The following CCSER1 variants were observed in gnomAD, a reference collection of about 807,000 sequenced individuals.
The protein encoded by CCSER1 is coiled-coil serine rich protein 1, also known as serine-rich coiled-coil domain-containing protein 1.
Under a neutral mutation model 82.0 loss-of-function variants are expected in CCSER1, and 41 were observed. The observed-to-expected ratio is 0.50, with a 90% CI of 0.39 to 0.65. CCSER1 has a LOEUF of 0.65. CCSER1 is among the 30% of genes least tolerant of loss of function. The probability of loss-of-function intolerance (pLI) is 0.00; values close to 1 mark genes in which losing one functional copy is unlikely to be tolerated. For missense variants in CCSER1, 1,119 were observed against 1,064.2 expected, an observed-to-expected ratio of 1.05 and a Z score of -0.72; for synonymous variants, 414 against 383.9, an observed-to-expected ratio of 1.08 and a Z score of -0.92.
At chr4:90,503,298 C>T (rs1457268386) in intron 5 of CCSER1, among the ~76,000 whole-genome samples, 1 of 152,146 alleles carries the variant, frequency 6.6e-6, no homozygotes, top group African/African-American at 2.4e-5. Flanking sequence ...CGTCTTAAAA[C>T]AGATTTTAGA....
intron 10 of CCSER1, among the ~76,000 whole-genome samples, chr4:91,454,993 A>G (rs558541048): frequency 5.9e-5 from 9 of 152,220 alleles, no homozygotes; most frequent in Non-Finnish European, 1.2e-4. Context: ...TAAGGAGACT[A>G]TTTGCCAGTG....
intron 10 of CCSER1, among the ~76,000 whole-genome samples, chr4:91,454,228 T>TG (rs1756020469): frequency 6.6e-6 from 1 of 152,074 alleles, no homozygotes; most frequent in African/African-American, 2.4e-5. Flanking sequence ...TCAGTTTCAT[T>TG]GGGGAAAAAT....
chr4:90,470,592 CATTCT>C (rs1764226677), intron 5 of CCSER1, among the ~76,000 whole-genome samples: 1 of 151,910 alleles, frequency 6.6e-6, no homozygotes, highest in African/African-American at 2.4e-5. Flanking sequence ...CATCAAGGGT[CATTCT>C]CTCTATCTAC....
chr4:90,515,968 C>T (rs1435954132), intron 5 of CCSER1, among the ~76,000 whole-genome samples: 2 of 152,252 alleles, frequency 1.3e-5, no homozygotes, highest in Middle Eastern at 3.4e-3. Flanking sequence ...GTGTCAAATG[C>T]TCTGTTTTAC....
intron 5 of CCSER1, among the ~76,000 whole-genome samples, chr4:90,471,910 G>C (rs1420498323): frequency 6.6e-6 from 1 of 151,992 alleles, no homozygotes; most frequent in Non-Finnish European, 1.5e-5. Flanking sequence ...CTGGGAGGCA[G>C]AGGTTGCAGT....
intron 1 of CCSER1, among the ~76,000 whole-genome samples, chr4:90,216,999 G>C (rs572332507): frequency 2.0e-5 from 3 of 152,138 alleles, no homozygotes; most frequent in African/African-American, 7.2e-5. Flanking sequence ...GATCTTTTAC[G>C]TCCTTGGTTA....
chr4:90,861,095 A>G (rs1765031548), intron 8 of CCSER1, among the ~76,000 whole-genome samples: 1 of 151,838 alleles, frequency 6.6e-6, no homozygotes, highest in Middle Eastern at 3.4e-3. Context: ...GATATGTGCC[A>G]TTCGGGAAAC....
chr4:90,495,631 T>C (rs1186628384), intron 5 of CCSER1, among the ~76,000 whole-genome samples: 1 of 152,178 alleles, frequency 6.6e-6, no homozygotes, highest in Non-Finnish European at 1.5e-5. Flanking sequence ...TTAAAGAAAT[T>C]GCAAGTAATT....
At chr4:91,228,338 A>G (rs544253938) in intron 10 of CCSER1, among the ~76,000 whole-genome samples, 437 of 152,096 alleles carry the variant, frequency 2.9e-3, no homozygotes, top group Non-Finnish European at 3.6e-3. Flanking sequence ...TGAAGAAAAC[A>G]TATTTTCAAG....
chr4:91,451,817 G>A (rs1239049472), intron 10 of CCSER1, among the ~76,000 whole-genome samples: 1 of 151,944 alleles, frequency 6.6e-6, no homozygotes, highest in East Asian at 1.9e-4. Flanking sequence ...TTAGTAGTAA[G>A]TAATTTAAGT....
intron 10 of CCSER1, among the ~76,000 whole-genome samples, chr4:91,311,588 TA>T (rs1745481836): frequency 1.3e-5 from 2 of 152,084 alleles, no homozygotes; most frequent in South Asian, 4.1e-4. Flanking sequence ...AACCTTAATG[TA>T]TTTACCTTTC....
Position 90,873,270 on chromosome 4 carries a change from C to A in CCSER1, c.2095-50100C>A, listed in dbSNP as rs927548371. Among the ~76,000 whole-genome samples, 4 of 151,800 alleles carry A rather than the reference C, an allele frequency of 2.6e-5. No individual in the cohort carries two copies. In the East Asian group the frequency reaches 5.8e-4, roughly 22 times the overall value. ...ACAGACTGCTTCATTCTTTTTAATT[C>A]TTTTTTCTTTTGCCTCCTCTGACTG... On this transcript the variant is annotated intron_variant, in intron 8 of 10. Coordinates refer to ENST00000509176, the MANE Select transcript of CCSER1 (RefSeq NM_001145065.2).
At chr4:91,047,502 A>C (rs73834745) in intron 9 of CCSER1, among the ~76,000 whole-genome samples, 6,663 of 152,154 alleles carry the variant, frequency 0.044, 440 homozygotes, top group African/African-American at 0.14. Context: ...ATGACAAATT[A>C]CCTATTTTCC....
At chr4:90,964,559 C>T (rs992430977) in intron 9 of CCSER1, among the ~76,000 whole-genome samples, 14 of 151,678 alleles carry the variant, frequency 9.2e-5, no homozygotes, top group African/African-American at 2.7e-4. Context: ...CCCGTCTCTA[C>T]TAAAAATACA....
chr4:90,961,152 A>G (rs540123054), intron 9 of CCSER1, among the ~76,000 whole-genome samples: 11 of 151,998 alleles, frequency 7.2e-5, no homozygotes, highest in Non-Finnish European at 1.3e-4. Context: ...ATATTCCCAG[A>G]CCTCCCAGGT....
intron 6 of CCSER1, among the ~76,000 whole-genome samples, chr4:90,686,305 T>C (rs1734809053): frequency 6.6e-6 from 1 of 152,084 alleles, no homozygotes. Context: ...AGAAGACACA[T>C]ATATTATGTG....
intron 8 of CCSER1, among the ~76,000 whole-genome samples, chr4:90,877,738 G>A (rs1187389588): frequency 1.3e-5 from 2 of 151,548 alleles, no homozygotes; most frequent in East Asian, 1.9e-4. Flanking sequence ...AGAAGTAAAC[G>A]GGAGAAAACA....
In CCSER1 at chr4:90,349,429, A is replaced by C. The variant is rs182913721; in HGVS notation, c.1509+36382A>C. On this transcript the variant is annotated intron_variant, in intron 3 of 10. Transcript: ENST00000509176. ...AGCACTTGTTTAGGATATAGGATAG[A>C]AACGTGGTGGCATACAATTCTAGAA... 2.3e-3 allele frequency among the ~76,000 whole-genome samples: 352 copies of C among 152,224 alleles called. 7 individuals are homozygous for C. Among genetic ancestry groups the C allele is most frequent in the Non-Finnish European group, 2.7e-3 (182 of 67,966 alleles).
At chr4:90,985,627 G>A (rs895358409) in intron 9 of CCSER1, among the ~76,000 whole-genome samples, 9 of 151,696 alleles carry the variant, frequency 5.9e-5, no homozygotes, top group African/African-American at 1.9e-4. Context: ...AGAGATTCCT[G>A]TGTACTCTCA....
Sources: allele counts gnomAD v4.1 joint callset (sites outside exome capture counted in the v4.1 genomes callset), GRCh38; gene constraint gnomAD v4.1.1; transcripts MANE v1.5; gene names NCBI Gene and HGNC (gene_info 2026-07-23, HGNC 2026-07-21).